The following PLA2G4E variants were observed in gnomAD, a reference collection of about 807,000 sequenced individuals.
PLA2G4E encodes the protein phospholipase A2 group IVE, also known as cytosolic phospholipase A2 epsilon.
In PLA2G4E, 84 loss-of-function variants were observed where a neutral mutation model predicts 109.1. The ratio of observed to expected loss-of-function variants is 0.77; its 90% confidence interval spans 0.65 to 0.92. PLA2G4E has a LOEUF of 0.92. Among genes scored for constraint, PLA2G4E ranks in the 40% least tolerant of loss-of-function variants. The pLI, the probability that PLA2G4E is intolerant of heterozygous loss-of-function variation, is 0.00. For missense variants in PLA2G4E, 1,057 were observed against 1,076.6 expected (o/e 0.98, Z 0.25); for synonymous variants, 469 against 436.1 (o/e 1.08, Z -0.94).
chr15:41,993,392 T>C (rs2068283621), intron 12 of PLA2G4E, among the ~76,000 whole-genome samples: 1 of 152,332 alleles, frequency 6.6e-6, no homozygotes, highest in African/African-American at 2.4e-5. Context: ...GTTAAGGTGA[T>C]GTGGGGTAGC....
chr15:42,007,425 C>T (rs1162119253), intron 3 of PLA2G4E, among the ~76,000 whole-genome samples: 1 of 152,170 alleles, frequency 6.6e-6, no homozygotes, highest in African/African-American at 2.4e-5. Flanking sequence ...GTGTATTCCC[C>T]TGCTTGGAGA....
intron 3 of PLA2G4E, among the ~76,000 whole-genome samples, chr15:42,007,044 G>A (rs749940675): frequency 3.0e-4 from 46 of 152,108 alleles, no homozygotes; most frequent in Non-Finnish European, 1.3e-4. Flanking sequence ...GAAAAGATAC[G>A]TCACGTAACA....
At chr15:42,039,603 T>C (rs1284671951) in intron 1 of PLA2G4E, among the ~76,000 whole-genome samples, 1 of 152,092 alleles carries the variant, frequency 6.6e-6, no homozygotes, top group Non-Finnish European at 1.5e-5. Context: ...GGATTTAGGA[T>C]ATAAGAAGAC....
At chr15:42,000,395 G>T in intron 7 of PLA2G4E, 113 bp from the exon 8 acceptor site, 1 of 1,017,390 alleles carries the variant, frequency 9.8e-7, no homozygotes, top group Non-Finnish European at 1.4e-6. Context: ...GAATCACCTG[G>T]GGCACCAGTT....
chr15:41,989,593 G>A, intron 14 of PLA2G4E, 41 bp from the exon 15 acceptor site: 6 of 1,589,066 alleles, frequency 3.8e-6, no homozygotes, highest in Non-Finnish European at 5.1e-6. Flanking sequence ...TCTCAGGCCA[G>A]GGAGCCGTCC....
At chr15:42,014,406 A>C (rs2068568790) in intron 1 of PLA2G4E, among the ~76,000 whole-genome samples, 1 of 152,218 alleles carries the variant, frequency 6.6e-6, no homozygotes, top group African/African-American at 2.4e-5. Flanking sequence ...GCCCATGGCA[A>C]GGGAGTCCTG....
intron 2 of PLA2G4E, among the ~76,000 whole-genome samples, chr15:42,013,302 A>C (rs573444693): frequency 2.6e-4 from 40 of 152,322 alleles, no homozygotes; most frequent in African/African-American, 8.9e-4. Context: ...AACAGGCCCT[A>C]ACCGAAAGGA....
At chr15:42,002,793 A>C (rs2068435748) in intron 5 of PLA2G4E, 97 bp from the exon 6 acceptor site, 1 of 1,137,398 alleles carries the variant, frequency 8.8e-7, no homozygotes, top group Non-Finnish European at 1.3e-6. Context: ...ATAACAAAAT[A>C]TCAGAGCCTT....
At chr15:42,010,482 C>T (rs955055333) in intron 2 of PLA2G4E, among the ~76,000 whole-genome samples, 6 of 152,202 alleles carry the variant, frequency 3.9e-5, no homozygotes, top group Admixed American at 2.0e-4. Flanking sequence ...CCCCTGTCCA[C>T]CCCCAGCAAT....
intron 6 of PLA2G4E, 132 bp downstream of exon 6, chr15:42,002,522 T>C (rs1196330803): frequency 9.5e-6 from 10 of 1,047,198 alleles, no homozygotes; most frequent in African/African-American, 4.8e-5. Flanking sequence ...CCTCGTTTAG[T>C]CTAACTCCTG....
At chr15:42,012,604 C>T (rs944653701) in intron 2 of PLA2G4E, among the ~76,000 whole-genome samples, 1 of 152,172 alleles carries the variant, frequency 6.6e-6, no homozygotes, top group Non-Finnish European at 1.5e-5. Context: ...CAGGTCCTGC[C>T]CCTCTCAGAC....
At chr15:42,039,869 T>C (rs1889282985) in intron 1 of PLA2G4E, among the ~76,000 whole-genome samples, 1 of 152,242 alleles carries the variant, frequency 6.6e-6, no homozygotes, top group Non-Finnish European at 1.5e-5. Context: ...CCTAAATTGA[T>C]CTATTTATTT....
chr15:42,032,763 T>C (rs919984041), intron 1 of PLA2G4E, among the ~76,000 whole-genome samples: 3 of 152,096 alleles, frequency 2.0e-5, no homozygotes, highest in Non-Finnish European at 2.9e-5. Flanking sequence ...GAGAGATTTG[T>C]GGGGTAAGAC....
At chr15:41,992,993 C>T in intron 12 of PLA2G4E, 34 bp from the exon 13 acceptor site, 1 of 1,565,434 alleles carries the variant, frequency 6.4e-7, no homozygotes, top group Non-Finnish European at 8.7e-7. Flanking sequence ...ATAGGGCTGA[C>T]CCGGCCCCTG....
At chr15:42,038,606 G>C (rs1402865731) in intron 1 of PLA2G4E, among the ~76,000 whole-genome samples, 1 of 152,236 alleles carries the variant, frequency 6.6e-6, no homozygotes, top group Non-Finnish European at 1.5e-5. Flanking sequence ...ATGTTCACCA[G>C]CCTGCTGCTC....
At chr15:42,006,306 C>T in intron 3 of PLA2G4E, 185 bp from the exon 4 acceptor site, 1 of 614,344 alleles carries the variant, frequency 1.6e-6, no homozygotes, top group South Asian at 2.6e-5. Flanking sequence ...AGTGTCTATT[C>T]CCTCCTTTCC....
intron 16 of PLA2G4E, 82 bp from the exon 17 acceptor site, chr15:41,987,457 T>A: frequency 3.7e-6 from 5 of 1,353,020 alleles, no homozygotes; most frequent in Non-Finnish European, 5.2e-6. Context: ...CATGGTTGCC[T>A]GGCACCCAGG....
chr15:42,006,499 C>A (rs964532494), intron 3 of PLA2G4E, among the ~76,000 whole-genome samples: 1 of 152,282 alleles, frequency 6.6e-6, no homozygotes, highest in East Asian at 1.9e-4. Context: ...GCACTGGGCC[C>A]CTGGGCACTG....
intron 1 of PLA2G4E, among the ~76,000 whole-genome samples, chr15:42,028,403 A>C (rs4924605): frequency 0.033 from 4,752 of 145,000 alleles, 87 homozygotes; most frequent in East Asian, 0.089. Context: ...TTATTTATTT[A>C]TTTATTTATT....
Sources: allele counts gnomAD v4.1 joint callset (sites outside exome capture counted in the v4.1 genomes callset), GRCh38; gene constraint gnomAD v4.1.1; transcripts MANE v1.5; gene names NCBI Gene and HGNC (gene_info 2026-07-23, HGNC 2026-07-21).